Variants in MCF2L2 observed in about 807,000 individuals in gnomAD.
The protein encoded by MCF2L2 is MCF.2 cell line derived transforming sequence-like 2, also known as probable guanine nucleotide exchange factor MCF2L2.
Under a neutral mutation model 150.2 loss-of-function variants are expected in MCF2L2, and 102 were observed. The ratio of observed to expected loss-of-function variants is 0.68; its 90% CI spans 0.58 to 0.80. MCF2L2 has a LOEUF of 0.80. MCF2L2 is among the 30% of genes least tolerant of loss of function. The probability of loss-of-function intolerance (pLI) is 0.00; values close to 1 mark genes in which losing one functional copy is unlikely to be tolerated. For synonymous variants in MCF2L2, 465 were observed against 491.3 expected, an observed-to-expected ratio of 0.95 and a Z score of 0.71; for missense variants, 1,256 against 1,372.8, an observed-to-expected ratio of 0.91 and a Z score of 1.34.
intron 27 of MCF2L2, among the ~76,000 whole-genome samples, chr3:183,187,747 G>T (rs911204613): frequency 6.6e-6 from 1 of 151,982 alleles, no homozygotes. Flanking sequence ...GATTACAGGC[G>T]TGAGCCACCG....
At chr3:183,401,476 A>G (rs563118095) in intron 1 of MCF2L2, among the ~76,000 whole-genome samples, 86 of 152,318 alleles carry the variant, frequency 5.6e-4, no homozygotes, top group African/African-American at 1.8e-3. Context: ...ATAAAAATGT[A>G]CAAATATGAA....
chr3:183,209,649 C>T (rs1576924083), intron 22 of MCF2L2, among the ~76,000 whole-genome samples: 2 of 151,918 alleles, frequency 1.3e-5, no homozygotes, highest in Admixed American at 6.6e-5. Flanking sequence ...TTACCATGCC[C>T]GGCTAATTTT....
intron 3 of MCF2L2, among the ~76,000 whole-genome samples, chr3:183,356,228 A>G (rs1711772006): frequency 6.6e-6 from 1 of 151,538 alleles, no homozygotes; most frequent in African/African-American, 2.4e-5. Flanking sequence ...AAAAAAAAAA[A>G]GTATTGCCGG....
At chr3:183,306,683 G>A (rs1416251732) in intron 10 of MCF2L2, among the ~76,000 whole-genome samples, 1 of 152,240 alleles carries the variant, frequency 6.6e-6, no homozygotes, top group Admixed American at 6.5e-5. Flanking sequence ...TGTTGAAATT[G>A]AATGATGGAC....
intron 3 of MCF2L2, among the ~76,000 whole-genome samples, chr3:183,366,098 C>T (rs957493126): frequency 7.9e-5 from 12 of 151,990 alleles, no homozygotes; most frequent in African/African-American, 2.9e-4. Context: ...AGACTTTATG[C>T]AGGTTTGAAG....
At chr3:183,314,721 G>A (rs984270450) in intron 7 of MCF2L2, among the ~76,000 whole-genome samples, 5 of 151,012 alleles carry the variant, frequency 3.3e-5, no homozygotes, top group Non-Finnish European at 5.9e-5. Flanking sequence ...TCACTGTACT[G>A]AAGAATGAAT....
intron 21 of MCF2L2, among the ~76,000 whole-genome samples, chr3:183,218,252 T>C (rs1723016310): frequency 6.6e-6 from 1 of 152,262 alleles, no homozygotes; most frequent in Non-Finnish European, 1.5e-5. Flanking sequence ...CATGGATTCG[T>C]AGCTTCTCAT....
chr3:183,266,771 C>G (rs1560384512), intron 15 of MCF2L2, among the ~76,000 whole-genome samples: 1 of 151,754 alleles, frequency 6.6e-6, no homozygotes, highest in Non-Finnish European at 1.5e-5. Flanking sequence ...TGATCTGTTC[C>G]TTAGAGCAGT....
intron 10 of MCF2L2, among the ~76,000 whole-genome samples, chr3:183,301,241 G>C (rs943927757): frequency 6.6e-6 from 1 of 152,068 alleles, no homozygotes; most frequent in South Asian, 2.1e-4. Flanking sequence ...CACTGTCATA[G>C]GTGCTGGGAG....
intron 10 of MCF2L2, among the ~76,000 whole-genome samples, chr3:183,304,838 T>C (rs1471444528): frequency 1.3e-5 from 2 of 152,064 alleles, no homozygotes; most frequent in African/African-American, 2.4e-5. Flanking sequence ...GTACCTGGCA[T>C]GGTAGGAGAT....
intron 1 of MCF2L2, among the ~76,000 whole-genome samples, chr3:183,421,237 A>G (rs963687484): frequency 5.9e-5 from 9 of 152,124 alleles, no homozygotes; most frequent in Non-Finnish European, 1.0e-4. Flanking sequence ...TTTTTAAATC[A>G]TTATTTCTTC....
Position 183,291,308 on chromosome 3 carries a change from C to T in MCF2L2, c.1676-2088G>A, listed in dbSNP as rs146049840. On this transcript the variant is annotated intron_variant, in intron 13 of 29. Transcript: ENST00000328913. ...TGTTCAAACCTTGCTCTTCCATGCA[C>T]GAGACAAACATGATTACAGTCACCT... 9.0e-4 allele frequency among the ~76,000 whole-genome samples: 137 copies of T among 152,232 alleles called. No individual in the cohort carries two copies. The East Asian group carries it at 0.024, about 27-fold the overall frequency.
chr3:183,194,953 AT>A (rs1007284661), intron 26 of MCF2L2, among the ~76,000 whole-genome samples: 4 of 150,414 alleles, frequency 2.7e-5, no homozygotes, highest in Non-Finnish European at 4.4e-5. Context: ...TAATTTTTGT[AT>A]TTTTTTTTGT....
chr3:183,257,613 A>G (rs1001354613), intron 15 of MCF2L2, among the ~76,000 whole-genome samples: 1 of 152,166 alleles, frequency 6.6e-6, no homozygotes, highest in African/African-American at 2.4e-5. Context: ...CTTGTTTTAC[A>G]CCATCTTCTA....
At chr3:183,396,669 A>C (rs1343032220) in intron 1 of MCF2L2, among the ~76,000 whole-genome samples, 1 of 152,222 alleles carries the variant, frequency 6.6e-6, no homozygotes, top group Non-Finnish European at 1.5e-5. Flanking sequence ...TTATTAATTC[A>C]CATATCACTG....
intron 13 of MCF2L2, among the ~76,000 whole-genome samples, chr3:183,292,123 A>G (rs1298105839): frequency 5.3e-5 from 8 of 152,130 alleles, no homozygotes; most frequent in Admixed American, 5.2e-4. Flanking sequence ...AAATTCAGGA[A>G]AGAAATACAC....
chr3:183,404,545 T>C (rs1342901674), intron 1 of MCF2L2, among the ~76,000 whole-genome samples: 1 of 150,646 alleles, frequency 6.6e-6, no homozygotes, highest in Admixed American at 6.6e-5. Context: ...TCTAATCCAA[T>C]AATATTTTCT....
intron 7 of MCF2L2, among the ~76,000 whole-genome samples, chr3:183,315,571 G>A (rs1327774377): frequency 6.6e-6 from 1 of 152,150 alleles, no homozygotes; most frequent in Non-Finnish European, 1.5e-5. Flanking sequence ...TGGCCTCCAA[G>A]GTTACTCCAA....
intron 14 of MCF2L2, among the ~76,000 whole-genome samples, chr3:183,288,481 CT>C (rs535192977): frequency 0.032 from 4,370 of 135,142 alleles, 187 homozygotes; most frequent in African/African-American, 0.1. Context: ...TTGTCATGCT[CT>C]TTTTTTTTTT....
Sources: allele counts gnomAD v4.1 joint callset (sites outside exome capture counted in the v4.1 genomes callset), GRCh38; gene constraint gnomAD v4.1.1; transcripts MANE v1.5; gene names NCBI Gene and HGNC (gene_info 2026-07-23, HGNC 2026-07-21).